TAOK3: variants seen among roughly 807,000 people sequenced by gnomAD.
TAOK3 encodes the protein TAO kinase 3.
TAOK3 carries 40 observed loss-of-function variants against 120.4 expected under a neutral mutation model. The observed-to-expected ratio is 0.33, with a 90% confidence interval of 0.26 to 0.43. The LOEUF is 0.43. Among genes scored for constraint, TAOK3 ranks in the 20% least tolerant of loss-of-function variants. TAOK3 has a pLI of 1.00. For missense variants in TAOK3, 821 were observed against 1,112.1 expected, an observed-to-expected ratio of 0.74 and a Z score of 3.72; for synonymous variants, 355 against 387.5, an observed-to-expected ratio of 0.92 and a Z score of 0.99.
intron 19 of TAOK3, among the ~76,000 whole-genome samples, chr12:118,153,527 G>A (rs544392917): frequency 2.6e-3 from 398 of 152,306 alleles, no homozygotes; most frequent in African/African-American, 9.1e-3. Context: ...CCTGCGTGGA[G>A]AATGAACCAA....
At chr12:118,233,593 G>C (rs2039883024) in intron 9 of TAOK3, 81 bp downstream of exon 9, 1 of 1,101,898 alleles carries the variant, frequency 9.1e-7, no homozygotes, top group Non-Finnish European at 1.4e-6. Flanking sequence ...TAATCATTAT[G>C]ATTCTTAAAA....
intron 9 of TAOK3, among the ~76,000 whole-genome samples, chr12:118,217,816 CATAT>C (rs57197721): frequency 0.029 from 1,339 of 45,798 alleles, 33 homozygotes; most frequent in East Asian, 0.054. Context: ...TGTGTGTATA[CATAT>C]ATATATATAT....
chr12:118,345,199 T>A (rs1306433045), intron 1 of TAOK3, among the ~76,000 whole-genome samples: 1 of 152,188 alleles, frequency 6.6e-6, no homozygotes, highest in Admixed American at 6.5e-5. Flanking sequence ...GTCTATTTTT[T>A]AAGGCCAATC....
At chr12:118,310,245 C>T (rs1363664228) in intron 1 of TAOK3, among the ~76,000 whole-genome samples, 3 of 152,216 alleles carry the variant, frequency 2.0e-5, no homozygotes, top group Non-Finnish European at 2.9e-5. Context: ...GATCGTGCCA[C>T]TGCACTCAAC....
chr12:118,224,918 G>A (rs1172068872), intron 9 of TAOK3, among the ~76,000 whole-genome samples: 1 of 152,034 alleles, frequency 6.6e-6, no homozygotes, highest in Admixed American at 6.6e-5. Flanking sequence ...AAGGGAACAG[G>A]ACTATCCACA....
intron 13 of TAOK3, among the ~76,000 whole-genome samples, chr12:118,195,043 G>T (rs1171146467): frequency 6.6e-6 from 1 of 151,972 alleles, no homozygotes; most frequent in Non-Finnish European, 1.5e-5. Context: ...CACCGTGCCT[G>T]GCCAGTAGAA....
rs1459400927 is a variant in TAOK3 at position 118,181,603 on chromosome 12, G to A, written c.1334C>T (p.Thr445Ile). 2 of 1,613,868 alleles carry A rather than the reference G, an allele frequency of 1.2e-6. No homozygotes were observed. The highest frequency in any genetic ancestry group is 1.7e-6 in the Non-Finnish European group (2 of 1,179,942). Residue 445 changes from threonine to isoleucine, a missense_variant, in exon 15 of 21, where the codon ACA becomes ATA. Physicochemically the swap from Thr to Ile is moderately conservative, Grantham distance 89. Around this residue, in one of 2 missense-constraint regions of TAOK3, gnomAD observed 354 missense variants for 572.1 expected, o/e 0.62. Transcript: ENST00000392533. ...CTGCTCATGCTCATGGATCTGTCGTGTAACCTGAATTGGGTTAGGAAACAG... is the reference window on the plus strand; with the variant it reads ...CTGCTCATGCTCATGGATCTGTCGTATAACCTGAATTGGGTTAGGAAACAG... ...FATIKSASLVTRQIHEHEQEN... is the reference protein window; with the variant it reads ...FATIKSASLVIRQIHEHEQEN...
chr12:118,213,152 A>G (rs764528524), intron 10 of TAOK3, among the ~76,000 whole-genome samples, 157 bp from the exon 11 acceptor site: 6 of 152,348 alleles, frequency 3.9e-5, no homozygotes, highest in Admixed American at 2.0e-4. Flanking sequence ...TCAAGTTACG[A>G]TATCTAAAAT....
chr12:118,257,216 C>G (rs1370085599), intron 2 of TAOK3, among the ~76,000 whole-genome samples: 1 of 152,128 alleles, frequency 6.6e-6, no homozygotes. Flanking sequence ...GTGGTATATT[C>G]ATATAGAAAT....
intron 9 of TAOK3, among the ~76,000 whole-genome samples, chr12:118,221,218 CTTTTCTTTTTT>C (rs777764815): frequency 1.4e-4 from 21 of 151,854 alleles, no homozygotes; most frequent in East Asian, 5.8e-4. Flanking sequence ...TAGCAGTTTT[CTTTTCTTTTTT>C]TTTTCTTTTT....
At chr12:118,257,559 T>G (rs1194518444) in intron 2 of TAOK3, among the ~76,000 whole-genome samples, 2 of 152,168 alleles carry the variant, frequency 1.3e-5, no homozygotes, top group South Asian at 2.1e-4. Flanking sequence ...CACAGGATAG[T>G]TGGTGTTTCT....
intron 1 of TAOK3, among the ~76,000 whole-genome samples, chr12:118,299,001 T>A (rs1399468347): frequency 6.6e-6 from 1 of 152,174 alleles, no homozygotes; most frequent in Non-Finnish European, 1.5e-5. Context: ...AAGAAAGCCA[T>A]TTGTATTTCA....
intron 9 of TAOK3, among the ~76,000 whole-genome samples, chr12:118,227,064 G>GA (rs774633175): frequency 6.6e-6 from 1 of 151,658 alleles, no homozygotes; most frequent in Non-Finnish European, 1.5e-5. Flanking sequence ...ATTTTGGTAA[G>GA]AAAAAAACTT....
At chr12:118,282,541 G>A (rs1829715369) in intron 1 of TAOK3, among the ~76,000 whole-genome samples, 1 of 152,120 alleles carries the variant, frequency 6.6e-6, no homozygotes, top group South Asian at 2.1e-4. Flanking sequence ...GTTTTTAGTT[G>A]CAAATAATAG....
intron 3 of TAOK3, among the ~76,000 whole-genome samples, chr12:118,247,669 C>A (rs1222894883): frequency 3.9e-5 from 6 of 152,058 alleles, no homozygotes; most frequent in Admixed American, 2.0e-4. Flanking sequence ...CGGCCACCAC[C>A]ACGCCTGGCT....
chr12:118,233,821 G>T, intron 8 of TAOK3, 56 bp from the exon 9 acceptor site: 1 of 1,192,064 alleles, frequency 8.4e-7, no homozygotes, highest in Non-Finnish European at 1.2e-6. Context: ...AATTTCTCCA[G>T]GAAAGTGATT....
At chr12:118,242,166 T>G (rs1417978449) in intron 5 of TAOK3, among the ~76,000 whole-genome samples, 1 of 152,178 alleles carries the variant, frequency 6.6e-6, no homozygotes, top group Admixed American at 6.6e-5. Flanking sequence ...ACATGAGATT[T>G]TAGCACTTGG....
intron 1 of TAOK3, among the ~76,000 whole-genome samples, chr12:118,319,826 T>C (rs1182240065): frequency 1.3e-5 from 2 of 152,086 alleles, no homozygotes; most frequent in Non-Finnish European, 2.9e-5. Context: ...TTACCATGAC[T>C]CAGCAACTCT....
chr12:118,267,908 G>GA (rs1169291533), intron 1 of TAOK3, among the ~76,000 whole-genome samples: 1 of 142,336 alleles, frequency 7.0e-6, no homozygotes, highest in Non-Finnish European at 1.6e-5. Flanking sequence ...AAAAAGGAAA[G>GA]AAAAAAATCC....
Sources: gnomAD v4.1 joint callset for allele counts (sites outside exome capture counted in the v4.1 genomes callset) on GRCh38, gnomAD v4.1.1 for gene constraint, gnomAD v4.1.1 regional missense constraint, MANE v1.5 for transcripts, NCBI Gene and HGNC (gene_info 2026-07-23, HGNC 2026-07-21) for gene names.